Variants in LSM14A observed in about 807,000 individuals in gnomAD.
LSM14A encodes the protein protein LSM14 homolog A.
A neutral mutation model predicts 52.4 loss-of-function variants in LSM14A; 14 were observed. The ratio of observed to expected loss-of-function variants is 0.27; its 90% CI spans 0.18 to 0.42. The LOEUF is 0.42. Among genes scored for constraint, LSM14A ranks in the 10% least tolerant of loss-of-function variants. The probability of loss-of-function intolerance (pLI) is 1.00; values close to 1 mark genes in which losing one functional copy is unlikely to be tolerated. For synonymous variants in LSM14A, 185 were observed against 200.3 expected (o/e 0.92, Z 0.64); for missense variants, 417 against 581.8 (o/e 0.72, Z 2.91).
At chr19:34,188,341 T>C (rs907304492) in intron 1 of LSM14A, among the ~76,000 whole-genome samples, 1 of 152,100 alleles carries the variant, frequency 6.6e-6, no homozygotes, top group African/African-American at 2.4e-5. Flanking sequence ...ATGATGAAGT[T>C]TAAAATGTAG....
chr19:34,200,520 C>CAAA (rs1568485690), intron 3 of LSM14A, among the ~76,000 whole-genome samples: 5 of 152,026 alleles, frequency 3.3e-5, no homozygotes, highest in African/African-American at 1.2e-4. Flanking sequence ...TGATTTTAGC[C>CAAA]TCTCTAAACA....
intron 1 of LSM14A, among the ~76,000 whole-genome samples, chr19:34,190,120 C>T (rs905730284): frequency 6.6e-5 from 10 of 152,168 alleles, no homozygotes; most frequent in Non-Finnish European, 1.3e-4. Context: ...TATCATGCCT[C>T]CTTCCTTTCT....
At chr19:34,196,462 C>A (rs975101107) in intron 2 of LSM14A, among the ~76,000 whole-genome samples, 172 bp from the exon 3 acceptor site, 5 of 151,966 alleles carry the variant, frequency 3.3e-5, no homozygotes, top group Non-Finnish European at 2.9e-5. Flanking sequence ...TAGACAGATA[C>A]TGAAATCAAA....
intron 1 of LSM14A, among the ~76,000 whole-genome samples, chr19:34,182,181 C>T (rs2069531272): frequency 6.6e-6 from 1 of 152,128 alleles, no homozygotes; most frequent in Non-Finnish European, 1.5e-5. Context: ...TTCTCCTCCT[C>T]CCAATTTTAC....
chr19:34,184,852 G>T (rs933888901), intron 1 of LSM14A, among the ~76,000 whole-genome samples: 3 of 151,958 alleles, frequency 2.0e-5, no homozygotes, highest in Non-Finnish European at 4.4e-5. Context: ...TTTGTTTTTC[G>T]TCAGAGACAA....
At chr19:34,221,800 T>A in intron 9 of LSM14A, 62 bp downstream of exon 9, 1 of 1,531,356 alleles carries the variant, frequency 6.5e-7, no homozygotes, top group Non-Finnish European at 8.8e-7. Flanking sequence ...CTCAAAACAT[T>A]TTTACTTGTT....
chr19:34,203,035 T>A (rs1261535368), intron 3 of LSM14A, among the ~76,000 whole-genome samples: 1 of 152,188 alleles, frequency 6.6e-6, no homozygotes, highest in African/African-American at 2.4e-5. Context: ...TTCTGAACTC[T>A]TGGAAAAATT....
In LSM14A at chr19:34,227,804, GTGTGTGTGTGTGTGTGTGTGTGTGTA is replaced by G. The variant is rs1351496284; in HGVS notation, c.*426_*451del. The stretch of plus-strand genomic sequence containing the variant: ...GCCACAGAAGGTTGTGTGTGTGTGT[GTGTGTGTGTGTGTGTGTGTGTGTGTA>G]TGTGTGTGTCTTTTTCCTCCTTTCT... On this transcript the variant is annotated 3_prime_UTR_variant, in exon 10 of 10. Transcript: ENST00000544216. 1 of 156,140 alleles carries G rather than the reference GTGTGTGTGTGTGTGTGTGTGTGTGTA, an allele frequency of 6.4e-6. No individual in the cohort carries two copies. The highest frequency in any genetic ancestry group is 2.5e-5 in the African/African-American group (1 of 40,028). 9.7% of individuals were successfully genotyped at this position (156,140 alleles called of 1,614,324 possible).
chr19:34,202,088 G>A (rs1177748839), intron 3 of LSM14A, among the ~76,000 whole-genome samples: 1 of 150,058 alleles, frequency 6.7e-6, no homozygotes, highest in East Asian at 1.9e-4. Flanking sequence ...AAAGTGTTGG[G>A]AACCACCATG....
chr19:34,180,410 T>A (rs1243541350), intron 1 of LSM14A, among the ~76,000 whole-genome samples: 1 of 152,230 alleles, frequency 6.6e-6, no homozygotes, highest in East Asian at 1.9e-4. Context: ...AGCTTTAACT[T>A]CTTCATCTTT....
intron 4 of LSM14A, among the ~76,000 whole-genome samples, chr19:34,212,683 G>C (rs1013164534): frequency 6.6e-6 from 1 of 152,150 alleles, no homozygotes; most frequent in African/African-American, 2.4e-5. Flanking sequence ...ATAATATGCA[G>C]AAATCACTTC....
intron 1 of LSM14A, among the ~76,000 whole-genome samples, chr19:34,191,729 G>T (rs1211873332): frequency 6.6e-6 from 1 of 152,254 alleles, no homozygotes; most frequent in Admixed American, 6.5e-5. Context: ...TGTAGAAGAA[G>T]GGCCTTTGAC....
chr19:34,205,792 T>C (rs968102194), intron 3 of LSM14A, among the ~76,000 whole-genome samples: 1 of 152,030 alleles, frequency 6.6e-6, no homozygotes, highest in African/African-American at 2.4e-5. Flanking sequence ...CAGAAATCAA[T>C]GAAGTAGAAA....
chr19:34,210,128 C>T (rs534091247), intron 4 of LSM14A, among the ~76,000 whole-genome samples: 229 of 152,102 alleles, frequency 1.5e-3, no homozygotes, highest in Middle Eastern at 6.8e-3. Flanking sequence ...TGAGTCATTT[C>T]AGAAAGACCT....
chr19:34,202,782 G>A (rs866070486), intron 3 of LSM14A, among the ~76,000 whole-genome samples: 29 of 152,084 alleles, frequency 1.9e-4, no homozygotes, highest in African/African-American at 6.8e-4. Flanking sequence ...AGCCTCCCTA[G>A]TAGCTGGGAC....
chr19:34,190,050 A>G (rs1426010987), intron 1 of LSM14A, among the ~76,000 whole-genome samples: 1 of 152,194 alleles, frequency 6.6e-6, no homozygotes, highest in South Asian at 2.1e-4. Flanking sequence ...CTGATTGCAT[A>G]TGAGCTAATG....
chr19:34,211,680 T>C (rs1568493313), intron 4 of LSM14A, among the ~76,000 whole-genome samples: 1 of 151,576 alleles, frequency 6.6e-6, no homozygotes. Context: ...TCCTAGCTAC[T>C]CAAGAGGCTG....
rs1194923830 is a variant in LSM14A, at chr19:34,215,195, G to T, written c.610G>T (p.Ala204Ser). ...TMEQAVQTAS[A>S]HLPAPAAVGR... ...GGAACAAGCAGTGCAGACCGCCTCAGCCCACTTACCTGCTCCAGCAGCTGT... is the reference window on the plus strand; with the variant it reads ...GGAACAAGCAGTGCAGACCGCCTCATCCCACTTACCTGCTCCAGCAGCTGT... The change falls in exon 5 of 10, where the codon GCC becomes TCC. Residue 204 changes from alanine to serine, a missense_variant. This residue lies in a region of LSM14A where 357 missense variants were observed against 457.0 expected (regional missense o/e 0.78). Transcript: ENST00000544216. 1 of 1,614,166 alleles carries T rather than the reference G, an allele frequency of 6.2e-7. No individual in the cohort carries two copies. The highest frequency in any genetic ancestry group is 2.2e-5 in the East Asian group (1 of 44,886).
At chr19:34,180,855 A>G (rs1599659636) in intron 1 of LSM14A, among the ~76,000 whole-genome samples, 6 of 152,278 alleles carry the variant, frequency 3.9e-5, no homozygotes, top group Admixed American at 3.9e-4. Flanking sequence ...CTCCGCAGTC[A>G]TGGTCACTTC....
Sources: allele counts gnomAD v4.1 joint callset (sites outside exome capture counted in the v4.1 genomes callset), GRCh38; gene constraint gnomAD v4.1.1; regional missense constraint gnomAD v4.1.1; transcripts MANE v1.5; gene names NCBI Gene and HGNC (gene_info 2026-07-23, HGNC 2026-07-21).